Variants in CLEC16A observed in about 807,000 individuals in gnomAD.
CLEC16A encodes the protein C-type lectin domain containing 16A, also known as protein CLEC16A.
In CLEC16A, 51 loss-of-function variants were observed where a neutral mutation model predicts 109.5. That is an observed-to-expected ratio of 0.47 (90% CI 0.37 to 0.59). CLEC16A has a LOEUF of 0.59. Among genes scored for constraint, CLEC16A ranks in the 20% least tolerant of loss-of-function variants. CLEC16A has a pLI of 0.00. For missense variants in CLEC16A, 1,339 were observed against 1,394.0 expected (o/e 0.96, Z 0.63); for synonymous variants, 673 against 564.2 (o/e 1.19, Z -2.73).
At chr16:10,978,076 G>A (rs188060365) in intron 8 of CLEC16A, among the ~76,000 whole-genome samples, 161 of 152,312 alleles carry the variant, frequency 1.1e-3, no homozygotes, top group African/African-American at 3.7e-3. Context: ...TACAGACAGC[G>A]ACAGAACTTG....
intron 10 of CLEC16A, among the ~76,000 whole-genome samples, chr16:10,993,130 G>A (rs2044129576): frequency 6.6e-6 from 1 of 152,242 alleles, no homozygotes; most frequent in Middle Eastern, 3.4e-3. Flanking sequence ...GGTGGTTCAT[G>A]CCTGTAATCC....
intron 16 of CLEC16A, among the ~76,000 whole-genome samples, chr16:11,044,444 ATTAC>A (rs549506244): frequency 1.0e-3 from 156 of 152,356 alleles, no homozygotes; most frequent in Middle Eastern, 6.8e-3. Context: ...CACATATAAA[ATTAC>A]TTATGAATTA....
chr16:11,028,142 G>T lies in CLEC16A; in HGVS notation c.1537+3221G>T, dbSNP rs1211916987. Among the ~76,000 whole-genome samples the T allele has an allele frequency of 3.3e-5, 5 of 152,238 alleles. 1 individual carries two copies. The highest frequency in any genetic ancestry group is 1.5e-5 in the Non-Finnish European group (1 of 68,036). ...TCAAACGTGGGAGGCGGAAGTTGCAGTGAGCTGAGATCACGCCATTGCACT... is the reference window on the plus strand; with the variant it reads ...TCAAACGTGGGAGGCGGAAGTTGCATTGAGCTGAGATCACGCCATTGCACT... On this transcript the variant is annotated intron_variant, in intron 13 of 23. Transcript: ENST00000409790.
Position 10,977,414 on chromosome 16 carries a change from G to A in CLEC16A, c.903+15G>A, listed in dbSNP as rs201356696. 9.3e-6 allele frequency: 15 copies of A among 1,608,382 alleles called. No individual in the cohort carries two copies. Among genetic ancestry groups the A allele is most frequent in the East Asian group, 6.7e-5 (3 of 44,708 alleles). On this transcript the variant is annotated intron_variant, in intron 8 of 23. Transcript: ENST00000409790. ...ACCAGGACAAGGTGGGTCCAGCCCC[G>A]TGGCTCCCGCTGGCTGAAGGCCATC...
intron 19 of CLEC16A, among the ~76,000 whole-genome samples, chr16:11,075,738 T>C (rs994707747): frequency 6.6e-6 from 1 of 152,042 alleles, no homozygotes; most frequent in Non-Finnish European, 1.5e-5. Flanking sequence ...CGCCTGGCCT[T>C]GGCATGTTTT....
Position 11,020,225 on chromosome 16 carries a change from C to T in CLEC16A, c.1336C>T (p.Leu446Phe). 4 of 1,613,436 alleles carry T rather than the reference C, an allele frequency of 2.5e-6. No homozygotes were observed. The highest frequency in any genetic ancestry group is 1.3e-5 in the African/African-American group (1 of 75,040). ...IEMVIMERSK[L>F]SELAASTSVQ... The stretch of plus-strand genomic sequence containing the variant: ...GATGGTGATCATGGAGCGTAGCAAG[C>T]TCTCAGAGCTGGCCGCCAGCACCTC... The change falls in exon 12 of 24, where the codon CTC (leucine) becomes TTC (phenylalanine). Residue 446 changes from leucine to phenylalanine, a missense_variant. Physicochemically the swap from Leu to Phe is conservative, Grantham distance 22. Coordinates refer to ENST00000409790, the MANE Select transcript of CLEC16A (RefSeq NM_015226.3).
At chr16:11,095,256 G>C (rs975049776) in intron 19 of CLEC16A, among the ~76,000 whole-genome samples, 16 of 152,078 alleles carry the variant, frequency 1.1e-4, no homozygotes, top group Non-Finnish European at 2.9e-5. Context: ...CCAGAGAGAA[G>C]AAAGAAAGGA....
chr16:11,027,378 G>C, intron 13 of CLEC16A: 1 of 1,400,388 alleles, frequency 7.1e-7, no homozygotes, highest in South Asian at 1.2e-5. Context: ...TTTTAGTGGT[G>C]TCTTTGTAAA....
rs75783460 is a variant in CLEC16A at position 11,042,619 on chromosome 16, T to C, written c.1770+256T>C. Among the ~76,000 whole-genome samples the C allele has an allele frequency of 5.9e-5, 9 of 152,360 alleles. No homozygotes were observed. In the East Asian group the frequency reaches 1.3e-3, roughly 23 times the overall value. On this transcript the variant is annotated intron_variant, in intron 15 of 23. Coordinates refer to ENST00000409790, the MANE Select transcript of CLEC16A (RefSeq NM_015226.3). ...CTGTTGCAATTATTTGATTCTGTAT[T>C]TGTCCTCAGGATTTCTGAATTTTTT... is the stretch of plus-strand genomic sequence containing the variant.
chr16:11,055,306 T>C (rs2048153213), intron 18 of CLEC16A, among the ~76,000 whole-genome samples: 2 of 152,148 alleles, frequency 1.3e-5, no homozygotes, highest in Non-Finnish European at 2.9e-5. Flanking sequence ...CTCCTGCAGA[T>C]AGAGTGATCG....
intron 23 of CLEC16A, among the ~76,000 whole-genome samples, chr16:11,177,939 G>C (rs1445092555): frequency 3.3e-5 from 5 of 151,568 alleles, no homozygotes; most frequent in African/African-American, 9.7e-5. Flanking sequence ...GATATTACGA[G>C]CACACCCAAG....
intron 1 of CLEC16A, among the ~76,000 whole-genome samples, chr16:10,952,902 A>C (rs1052448305): frequency 6.6e-6 from 1 of 152,274 alleles, no homozygotes; most frequent in African/African-American, 2.4e-5. Context: ...TCAAGTGAGC[A>C]TGGAAACAAA....
chr16:11,063,212 G>A (rs1030221926), intron 19 of CLEC16A, among the ~76,000 whole-genome samples: 2 of 151,696 alleles, frequency 1.3e-5, no homozygotes, highest in Non-Finnish European at 2.9e-5. Flanking sequence ...AGGGATTATG[G>A]AAGCACGTGG....
At chr16:10,951,931 G>A (rs1275613215) in intron 1 of CLEC16A, among the ~76,000 whole-genome samples, 1 of 152,198 alleles carries the variant, frequency 6.6e-6, no homozygotes, top group East Asian at 1.9e-4. Flanking sequence ...GTCATACTGT[G>A]TAGCCATTAC....
chr16:11,156,776 C>G (rs921130102), intron 22 of CLEC16A: 1 of 797,098 alleles, frequency 1.3e-6, no homozygotes, highest in African/African-American at 1.8e-5. Context: ...TTCTAGAAAT[C>G]CAAAGCAAGG....
rs1485173344 is a variant in CLEC16A, at chr16:11,130,719, A to G, written c.2641+4573A>G. On this transcript the variant is annotated intron_variant, in intron 22 of 23. Coordinates refer to ENST00000409790, the MANE Select transcript of CLEC16A (RefSeq NM_015226.3). ...ACCCTCCACAATGGTGCCCCTCCCC[A>G]TAGGCCGCACAGCGCATGGAGTCCT... Among the ~76,000 whole-genome samples the G allele has an allele frequency of 5.3e-5, 8 of 152,176 alleles. 1 individual carries two copies. In the East Asian group the frequency reaches 1.2e-3, roughly 22 times the overall value.
At position 10,961,448 on chromosome 16, in the gene CLEC16A, C is replaced by T. The variant is rs2042244837; in HGVS notation, c.210-1007C>T. Among the ~76,000 whole-genome samples, 2 of 152,104 alleles carry T rather than the reference C, an allele frequency of 1.3e-5. No individual in the cohort carries two copies. Among genetic ancestry groups the T allele is most frequent in the African/African-American group, 4.8e-5 (2 of 41,400 alleles). On this transcript the variant is annotated intron_variant, in intron 2 of 23. Coordinates refer to ENST00000409790, the MANE Select transcript of CLEC16A (RefSeq NM_015226.3). The surrounding 1 kb of genome is among the most constrained non-coding windows in gnomAD (Gnocchi z 4.3). ...GGCACACCTCATTTCTTCCAAGTGT[C>T]CCAGATGCAAGATTATCTGGTGTTA... is the stretch of plus-strand genomic sequence containing the variant.
intron 9 of CLEC16A, among the ~76,000 whole-genome samples, chr16:10,981,289 G>A (rs558368567): frequency 7.2e-5 from 11 of 152,352 alleles, no homozygotes; most frequent in African/African-American, 2.6e-4. Context: ...TGTGTTGTTG[G>A]TAGAGTGATG....
chr16:11,035,616 A>G (rs117076721), intron 13 of CLEC16A, among the ~76,000 whole-genome samples: 1,818 of 152,332 alleles, frequency 0.012, 13 homozygotes, highest in Non-Finnish European at 0.019. Context: ...CGTCTATAAA[A>G]TGGAAATACT....
Sources: allele counts gnomAD v4.1 joint callset (sites outside exome capture counted in the v4.1 genomes callset), GRCh38; gene constraint gnomAD v4.1.1; non-coding constraint Gnocchi (gnomAD v3.1); transcripts MANE v1.5; gene names NCBI Gene and HGNC (gene_info 2026-07-23, HGNC 2026-07-21).